Variants in STK3 observed in about 807,000 individuals in gnomAD.
The protein encoded by STK3 is serine/threonine-protein kinase 3.
STK3 carries 41 observed loss-of-function variants against 58.0 expected under a neutral mutation model. The observed-to-expected ratio is 0.71, with a 90% CI of 0.55 to 0.92. The LOEUF (loss-of-function observed/expected upper bound fraction) is 0.92. STK3 is among the 40% of genes least tolerant of loss of function. STK3 has a pLI of 0.00. For missense variants in STK3, 479 were observed against 602.7 expected, an observed-to-expected ratio of 0.79 and a Z score of 2.15; for synonymous variants, 170 against 191.0, an observed-to-expected ratio of 0.89 and a Z score of 0.91.
At chr8:98,774,172 C>A (rs1053155771) in intron 2 of STK3, among the ~76,000 whole-genome samples, 3 of 152,118 alleles carry the variant, frequency 2.0e-5, no homozygotes, top group Non-Finnish European at 4.4e-5. Context: ...TCTTTTAATT[C>A]TGTTTTGTAC....
chr8:98,734,635 C>T (rs1828438341), intron 4 of STK3, among the ~76,000 whole-genome samples: 1 of 152,096 alleles, frequency 6.6e-6, no homozygotes, highest in Admixed American at 6.5e-5. Flanking sequence ...CTTTTAAGAG[C>T]TTCAATTTCA....
At chr8:98,586,645 T>C (rs537922536) in intron 7 of STK3, among the ~76,000 whole-genome samples, 15 of 151,636 alleles carry the variant, frequency 9.9e-5, no homozygotes, top group African/African-American at 3.4e-4. Flanking sequence ...TCTTTTTCTA[T>C]TGATTGGAAT....
At chr8:98,783,380 T>C in intron 1 of STK3, among the ~76,000 whole-genome samples, 1 of 152,182 alleles carries the variant, frequency 6.6e-6, no homozygotes, top group East Asian at 1.9e-4. Flanking sequence ...TATCAAAATA[T>C]CTCATGTACC....
At chr8:98,419,090 G>C (rs1818143773) in intron 3 of STK3, among the ~76,000 whole-genome samples, 2 of 152,342 alleles carry the variant, frequency 1.3e-5, no homozygotes, top group African/African-American at 4.8e-5. Flanking sequence ...GCTAGGTACG[G>C]TGGCTCACGC....
chr8:98,746,313 A>G (rs1402516490), intron 4 of STK3, among the ~76,000 whole-genome samples: 2 of 152,228 alleles, frequency 1.3e-5, no homozygotes, highest in Non-Finnish European at 2.9e-5. Flanking sequence ...AAAACAATAA[A>G]AAACAAGAGA....
intron 6 of STK3, among the ~76,000 whole-genome samples, chr8:98,680,104 T>A (rs1323043089): frequency 6.6e-6 from 1 of 152,188 alleles, no homozygotes. Flanking sequence ...ACTTTCCTTA[T>A]GCAAACAAAA....
intron 10 of STK3, among the ~76,000 whole-genome samples, chr8:98,477,705 G>C (rs1303611464): frequency 2.6e-5 from 2 of 76,122 alleles, no homozygotes; most frequent in African/African-American, 9.9e-5. Context: ...CACTTGGCGG[G>C]GGGGGGGGGG....
At chr8:98,869,636 A>T (rs1029271878) in intron 3 of STK3, among the ~76,000 whole-genome samples, 12 of 152,226 alleles carry the variant, frequency 7.9e-5, no homozygotes, top group Non-Finnish European at 1.0e-4. Flanking sequence ...GAAAGCTGGG[A>T]GAGGCAAGGG....
intron 6 of STK3, among the ~76,000 whole-genome samples, chr8:98,705,652 T>G (rs1392156438): frequency 2.0e-5 from 3 of 152,118 alleles, no homozygotes; most frequent in Non-Finnish European, 4.4e-5. Flanking sequence ...TGATATTATC[T>G]TCTCTTTTCT....
intron 6 of STK3, among the ~76,000 whole-genome samples, chr8:98,701,947 T>C (rs1235119161): frequency 3.3e-5 from 5 of 152,190 alleles, no homozygotes; most frequent in African/African-American, 7.2e-5. Context: ...TTTAATCTCA[T>C]AGCTGAATAT....
intron 10 of STK3, among the ~76,000 whole-genome samples, chr8:98,521,493 C>G (rs1255556647): frequency 1.3e-5 from 2 of 152,010 alleles, no homozygotes; most frequent in Middle Eastern, 3.4e-3. Context: ...TTTCCCCTAC[C>G]CTGAGTCTCT....
intron 1 of STK3, among the ~76,000 whole-genome samples, chr8:98,920,344 C>G (rs1236551588): frequency 6.6e-6 from 1 of 152,158 alleles, no homozygotes; most frequent in Non-Finnish European, 1.5e-5. Flanking sequence ...CAGAACGAGG[C>G]CTGCAAACTC....
chr8:98,552,568 C>T (rs976042269), intron 8 of STK3, among the ~76,000 whole-genome samples: 1 of 152,116 alleles, frequency 6.6e-6, no homozygotes, highest in African/African-American at 2.4e-5. Flanking sequence ...CTGGAATGCT[C>T]ATCCATAAAT....
At chr8:98,791,400 G>C (rs746284474) in intron 1 of STK3, among the ~76,000 whole-genome samples, 5 of 152,084 alleles carry the variant, frequency 3.3e-5, no homozygotes, top group Non-Finnish European at 7.4e-5. Flanking sequence ...ACTGCCAAAA[G>C]CAATCTACAA....
At chr8:98,439,587 C>G (rs149432695) in intron 1 of STK3, among the ~76,000 whole-genome samples, 7 of 152,312 alleles carry the variant, frequency 4.6e-5, no homozygotes, top group Admixed American at 1.3e-4. Context: ...GGCCCCCAAT[C>G]CCTCTGAGGC....
At chr8:98,722,915 G>A (rs1334758306) in intron 4 of STK3, 7 of 505,622 alleles carry the variant, frequency 1.4e-5, no homozygotes, top group Non-Finnish European at 2.0e-5. Context: ...AAAAGCGTTA[G>A]ATCCATTCTC....
intron 2 of STK3, among the ~76,000 whole-genome samples, chr8:98,436,349 C>T (rs1435438940): frequency 2.0e-5 from 3 of 151,632 alleles, no homozygotes; most frequent in Non-Finnish European, 4.4e-5. Flanking sequence ...TCCTGCCCGA[C>T]GCCCTCACTC....
chr8:98,506,138 T>C lies in STK3; in HGVS notation c.1317+20604A>G, dbSNP rs564670312. Among the ~76,000 whole-genome samples, 61 of 152,326 alleles carry C rather than the reference T, an allele frequency of 4.0e-4. No homozygotes were observed. In the East Asian group the frequency reaches 0.012, roughly 29 times the overall value. ...CCCTCCCCCTGCCAGGTTGCTGCCT[T>C]GCAGGTTGATCTCAGACTGCTGCAC... is the stretch of plus-strand genomic sequence containing the variant. On this transcript the variant is annotated intron_variant, in intron 10 of 10. Coordinates refer to ENST00000419617, the MANE Select transcript of STK3 (RefSeq NM_006281.4).
At chr8:98,397,182 C>A (rs1817904441), downstream of STK3, among the ~76,000 whole-genome samples, 1 of 152,318 alleles carries the variant, frequency 6.6e-6, no homozygotes, top group African/African-American at 2.4e-5. Context: ...AGTCCCCCAT[C>A]CCTCTGTCCG....
Sources: allele counts gnomAD v4.1 joint callset (sites outside exome capture counted in the v4.1 genomes callset), GRCh38; gene constraint gnomAD v4.1.1; transcripts MANE v1.5; gene names NCBI Gene and HGNC (gene_info 2026-07-23, HGNC 2026-07-21).